ETNK1: variants seen among roughly 807,000 people sequenced by gnomAD.
ETNK1 encodes the protein putative protein product of Nbla10396.
A neutral mutation model predicts 45.1 loss-of-function variants in ETNK1; 8 were observed. The observed-to-expected ratio is 0.18, with a 90% CI of 0.10 to 0.32. The LOEUF (loss-of-function observed/expected upper bound fraction) is 0.32. ETNK1 is among the 10% of genes least tolerant of loss of function. ETNK1 has a pLI of 1.00. For synonymous variants in ETNK1, 152 were observed against 151.9 expected (o/e 1.00, Z -0.01); for missense variants, 302 against 430.6 (o/e 0.70, Z 2.64).
chr12:22,660,034 T>TAA (rs371874842), intron 3 of ETNK1, among the ~76,000 whole-genome samples: 43 of 122,530 alleles, frequency 3.5e-4, no homozygotes, highest in Non-Finnish European at 4.0e-4. Flanking sequence ...ACACTACCTT[T>TAA]AAAAAAAAAA....
Position 22,625,555 on chromosome 12 carries a change from C to G in ETNK1, c.125C>G (p.Pro42Arg). ...GALSLLQHLR[P>R]HWDPQEVTLQ... ...CTGAGCCTCCTGCAACACCTGCGGC[C>G]TCACTGGGACCCCCAGGAGGTGACC... Residue 42 changes from proline (P) to arginine (R), a missense_variant, in exon 1 of 8, where the codon CCT (proline) becomes CGT (arginine). This residue lies in a region of ETNK1 where 205 missense variants were observed against 259.9 expected (regional missense o/e 0.79). Coordinates refer to ENST00000266517, the MANE Select transcript of ETNK1 (RefSeq NM_018638.5). The G allele has an allele frequency of 1.2e-6, 2 of 1,601,754 alleles. No homozygotes were observed. Among genetic ancestry groups the G allele is most frequent in the Non-Finnish European group, 1.7e-6 (2 of 1,174,632 alleles).
chr12:22,648,966 T>C (rs1428609296), intron 2 of ETNK1, among the ~76,000 whole-genome samples: 1 of 152,074 alleles, frequency 6.6e-6, no homozygotes, highest in African/African-American at 2.4e-5. Flanking sequence ...TTCCCTGATA[T>C]GTGATATGGA....
chr12:22,651,729 G>C (rs1953879007), intron 2 of ETNK1, among the ~76,000 whole-genome samples: 1 of 134,934 alleles, frequency 7.4e-6, no homozygotes, highest in Non-Finnish European at 1.5e-5. Flanking sequence ...ATGTCGCCCA[G>C]CCTGGTGTGC....
At chr12:22,683,553 C>G (rs16925287) in intron 6 of ETNK1, among the ~76,000 whole-genome samples, 8,010 of 152,160 alleles carry the variant, frequency 0.053, 699 homozygotes, top group African/African-American at 0.18. Context: ...AATGATAGAT[C>G]TGACACTAAA....
chr12:22,661,519 A>G (rs187293787), intron 4 of ETNK1, among the ~76,000 whole-genome samples: 1 of 152,300 alleles, frequency 6.6e-6, no homozygotes, highest in East Asian at 1.9e-4. Flanking sequence ...GTTATTCATG[A>G]GTTGAACATG....
chr12:22,677,487 A>G (rs933063743), intron 6 of ETNK1, among the ~76,000 whole-genome samples: 2 of 152,230 alleles, frequency 1.3e-5, no homozygotes, highest in South Asian at 4.1e-4. Flanking sequence ...TGTCTTGGCT[A>G]TGCAGGGTCT....
At chr12:22,632,037 T>A (rs1953587155) in intron 1 of ETNK1, among the ~76,000 whole-genome samples, 2 of 151,872 alleles carry the variant, frequency 1.3e-5, no homozygotes, top group African/African-American at 4.8e-5. Context: ...TCCTTCATAG[T>A]CTTGATCTCT....
intron 2 of ETNK1, among the ~76,000 whole-genome samples, chr12:22,657,614 A>G (rs1953958488): frequency 6.6e-6 from 1 of 151,424 alleles, no homozygotes; most frequent in Non-Finnish European, 1.5e-5. Context: ...CTAATTTTCT[A>G]ATAGCTTCAA....
At chr12:22,684,728 A>G (rs1954244747) in intron 7 of ETNK1, among the ~76,000 whole-genome samples, 154 bp from the exon 8 acceptor site, 1 of 152,086 alleles carries the variant, frequency 6.6e-6, no homozygotes, top group African/African-American at 2.4e-5. Context: ...GCAGGATTAG[A>G]AAAGTGTCCA....
intron 2 of ETNK1, among the ~76,000 whole-genome samples, chr12:22,653,711 C>T (rs1018587161): frequency 2.6e-5 from 4 of 152,064 alleles, no homozygotes; most frequent in African/African-American, 7.2e-5. Context: ...TGTTCTGCAA[C>T]TGCTGAATTT....
intron 1 of ETNK1, among the ~76,000 whole-genome samples, chr12:22,630,394 A>G (rs1002823007): frequency 3.3e-5 from 5 of 152,176 alleles, no homozygotes. Context: ...ACTGTAGCAC[A>G]AGGTAGGCAT....
chr12:22,655,987 C>A (rs889107694), intron 2 of ETNK1, among the ~76,000 whole-genome samples: 1 of 152,212 alleles, frequency 6.6e-6, no homozygotes, highest in African/African-American at 2.4e-5. Context: ...TAGCTTAGCT[C>A]GTTAGCTACC....
chr12:22,655,190 A>G (rs1953923116), intron 2 of ETNK1, among the ~76,000 whole-genome samples: 1 of 151,890 alleles, frequency 6.6e-6, no homozygotes, highest in African/African-American at 2.4e-5. Context: ...TTGGTCTCGA[A>G]CTCCTTACCT....
intron 6 of ETNK1, among the ~76,000 whole-genome samples, chr12:22,683,860 C>T (rs1333883796): frequency 6.6e-6 from 1 of 151,990 alleles, no homozygotes; most frequent in Non-Finnish European, 1.5e-5. Flanking sequence ...TAAAATATTA[C>T]CCTGTTTAAC....
intron 1 of ETNK1, among the ~76,000 whole-genome samples, chr12:22,632,908 T>G (rs1304661256): frequency 2.0e-5 from 3 of 152,240 alleles, no homozygotes; most frequent in Non-Finnish European, 4.4e-5. Context: ...GATTTATTCA[T>G]GTGTATATAG....
chr12:22,681,137 G>C (rs187819256), intron 6 of ETNK1, among the ~76,000 whole-genome samples: 1 of 151,826 alleles, frequency 6.6e-6, no homozygotes, highest in African/African-American at 2.4e-5. Flanking sequence ...GCTGTTTTCT[G>C]CCTTTGTTTC....
chr12:22,627,595 G>A (rs1320575083), intron 1 of ETNK1, among the ~76,000 whole-genome samples: 1 of 151,954 alleles, frequency 6.6e-6, no homozygotes, highest in African/African-American at 2.4e-5. Context: ...AATTTCTTTA[G>A]TAAATCTCAA....
At chr12:22,682,086 ATTAG>A (rs1954220065) in intron 6 of ETNK1, among the ~76,000 whole-genome samples, 1 of 152,134 alleles carries the variant, frequency 6.6e-6, no homozygotes, top group Non-Finnish European at 1.5e-5. Flanking sequence ...ATTTTAACTT[ATTAG>A]TTATTTGGAA....
chr12:22,670,366 T>C (rs1474768802), intron 4 of ETNK1, among the ~76,000 whole-genome samples: 6 of 133,078 alleles, frequency 4.5e-5, no homozygotes, highest in Non-Finnish European at 8.9e-5. Context: ...GTGACCCACA[T>C]TGATTTTTTT....
Sources: gnomAD v4.1 joint callset for allele counts (sites outside exome capture counted in the v4.1 genomes callset) on GRCh38, gnomAD v4.1.1 for gene constraint, gnomAD v4.1.1 regional missense constraint, MANE v1.5 for transcripts, NCBI Gene and HGNC (gene_info 2026-07-23, HGNC 2026-07-21) for gene names.